The following ERBB4 variants were observed in gnomAD, a reference collection of about 807,000 sequenced individuals.
ERBB4 encodes erb-b2 receptor tyrosine kinase 4, also known as receptor tyrosine-protein kinase erbB-4.
Under a neutral mutation model 158.0 loss-of-function variants are expected in ERBB4, and 42 were observed. The ratio of observed to expected loss-of-function variants is 0.27; its 90% CI spans 0.21 to 0.34. The LOEUF (loss-of-function observed/expected upper bound fraction) is 0.34, where lower values mean the gene tolerates loss of function less well. ERBB4 is among the 10% of genes least tolerant of loss of function. ERBB4 has a pLI of 1.00. For synonymous variants in ERBB4, 583 were observed against 558.7 expected (o/e 1.04, Z -0.61); for missense variants, 1,333 against 1,624.1 (o/e 0.82, Z 3.08).
At chr2:211,772,848 TATATATATATATATATATATACAC>T in intron 4 of ERBB4, among the ~76,000 whole-genome samples, 4 of 64,312 alleles carry the variant, frequency 6.2e-5, no homozygotes, top group South Asian at 6.2e-4. Flanking sequence ...CATATATATA[TATATATATATATATATATATACAC>T]ATATATATAT....
chr2:212,518,975 G>A (rs529668436), intron 1 of ERBB4, among the ~76,000 whole-genome samples: 1 of 152,004 alleles, frequency 6.6e-6, no homozygotes, highest in South Asian at 2.1e-4. Context: ...AAGGACAGCT[G>A]TTATATCATC....
In ERBB4 at chr2:211,634,806, G is replaced by T. The variant is rs141215152; in HGVS notation, c.1947-4212C>A. Among the ~76,000 whole-genome samples the T allele has an allele frequency of 6.4e-3, 971 of 152,196 alleles. 9 individuals carry two copies. Among genetic ancestry groups the T allele is most frequent in the Non-Finnish European group, 8.5e-3 (576 of 67,988 alleles). On this transcript the variant is annotated intron_variant, in intron 16 of 27. Transcript: ENST00000342788. ...GATTCTCCTGCCTCAGCTTCTGGAG[G>T]AGCTGGGATTACAGGTGACTGCCAC...
chr2:211,913,128 T>C (rs979567972), intron 3 of ERBB4, among the ~76,000 whole-genome samples: 1 of 152,218 alleles, frequency 6.6e-6, no homozygotes, highest in Non-Finnish European at 1.5e-5. Flanking sequence ...ACCTTTCTCC[T>C]GTTAATCAAT....
intron 20 of ERBB4, among the ~76,000 whole-genome samples, chr2:211,490,017 C>A (rs1574595018): frequency 1.3e-5 from 2 of 151,964 alleles, no homozygotes; most frequent in South Asian, 4.1e-4. Flanking sequence ...TGTGTGGAGG[C>A]TTTAAGAGGT....
intron 5 of ERBB4, among the ~76,000 whole-genome samples, chr2:211,747,974 T>C (rs2075023177): frequency 6.6e-6 from 1 of 151,964 alleles, no homozygotes; most frequent in Admixed American, 6.6e-5. Context: ...TCCTATATAC[T>C]TTAAATCATC....
chr2:211,703,969 ATCT>A, intron 11 of ERBB4, 132 bp downstream of exon 11: 1 of 721,934 alleles, frequency 1.4e-6, no homozygotes, highest in Non-Finnish European at 2.6e-6. Context: ...TATTGAGCTT[ATCT>A]TTGGAAATAA....
At chr2:211,961,365 C>T (rs2081175672) in intron 2 of ERBB4, among the ~76,000 whole-genome samples, 1 of 152,116 alleles carries the variant, frequency 6.6e-6, no homozygotes, top group Admixed American at 6.6e-5. Flanking sequence ...GTTTCATAAG[C>T]TCAGAGTTCT....
chr2:211,703,464 C>T (rs2106042071), intron 11 of ERBB4, among the ~76,000 whole-genome samples: 1 of 152,198 alleles, frequency 6.6e-6, no homozygotes, highest in African/African-American at 2.4e-5. Context: ...ATATTTTGAA[C>T]TTAAATAGAC....
chr2:212,238,603 A>G lies in ERBB4; in HGVS notation c.83-113700T>C, dbSNP rs185466203. ...AAAATGAAGAGCTTGATTGAAAACT[A>G]TATATTATATTAAAACTAAATAAAT... On this transcript the variant is annotated intron_variant, in intron 1 of 27. Transcript: ENST00000342788. Among the ~76,000 whole-genome samples, 12 of 152,306 alleles carry G rather than the reference A, an allele frequency of 7.9e-5. No individual in the cohort carries two copies. In the East Asian group the frequency reaches 2.3e-3, roughly 29 times the overall value.
At chr2:212,354,657 T>G (rs1034437615) in intron 1 of ERBB4, among the ~76,000 whole-genome samples, 1 of 152,096 alleles carries the variant, frequency 6.6e-6, no homozygotes. Flanking sequence ...GAGAGTGAGG[T>G]GAGCTATTGT....
chr2:211,630,650 A>G (rs2125873740), intron 16 of ERBB4, 56 bp from the exon 17 acceptor site: 1 of 1,491,408 alleles, frequency 6.7e-7, no homozygotes, highest in Non-Finnish European at 9.2e-7. Flanking sequence ...GAGAAGACAG[A>G]GGAAGAGAAA....
intron 1 of ERBB4, among the ~76,000 whole-genome samples, chr2:212,189,202 A>G (rs2082118350): frequency 6.6e-6 from 1 of 152,098 alleles, no homozygotes; most frequent in Admixed American, 6.6e-5. Flanking sequence ...GCATTCAAAA[A>G]GTTTTGAATT....
At chr2:211,580,637 T>C (rs1433694649) in intron 19 of ERBB4, among the ~76,000 whole-genome samples, 1 of 150,658 alleles carries the variant, frequency 6.6e-6, no homozygotes, top group African/African-American at 2.4e-5. Context: ...GATCCAGTAA[T>C]CCCACTACTG....
At chr2:211,791,603 TG>T (rs1221412370) in intron 3 of ERBB4, among the ~76,000 whole-genome samples, 1 of 151,802 alleles carries the variant, frequency 6.6e-6, no homozygotes, top group African/African-American at 2.4e-5. Context: ...CAGAGTAAAT[TG>T]AGAGAGACAC....
chr2:212,436,800 G>A (rs185520088), intron 1 of ERBB4, among the ~76,000 whole-genome samples: 2 of 152,118 alleles, frequency 1.3e-5, no homozygotes, highest in East Asian at 3.9e-4. Flanking sequence ...TCAAACCAAA[G>A]AGACTTTTGC....
intron 1 of ERBB4, among the ~76,000 whole-genome samples, chr2:212,399,543 TAC>T (rs1353349957): frequency 1.1e-3 from 19 of 17,986 alleles, no homozygotes; most frequent in South Asian, 0.01. Flanking sequence ...ATTTTATATA[TAC>T]ATATATATAT....
intron 16 of ERBB4, among the ~76,000 whole-genome samples, chr2:211,641,994 T>C (rs536351205): frequency 8.3e-4 from 127 of 152,202 alleles, no homozygotes; most frequent in Middle Eastern, 3.4e-3. Context: ...ATAATTATTA[T>C]AAAGTGAATG....
intron 20 of ERBB4, among the ~76,000 whole-genome samples, chr2:211,535,315 C>T (rs954243665): frequency 2.6e-5 from 4 of 151,960 alleles, no homozygotes; most frequent in Non-Finnish European, 5.9e-5. Context: ...GGACTCCTAC[C>T]TGTCTCTTAT....
In ERBB4 at chr2:211,531,581, G is replaced by A. The variant is rs372565112; in HGVS notation, c.2487+30322C>T. Among the ~76,000 whole-genome samples, 85 of 152,222 alleles carry A rather than the reference G, an allele frequency of 5.6e-4. No homozygotes were observed. In the South Asian group the frequency reaches 0.016, roughly 29 times the overall value. ...AGGTGCTCAACATCATTGATCAACA[G>A]AGAAATGCAAATTAAAACTACAAGG... On this transcript the variant is annotated intron_variant, in intron 20 of 27. Transcript: ENST00000342788.
Sources: gnomAD v4.1 joint callset for allele counts (sites outside exome capture counted in the v4.1 genomes callset) on GRCh38, gnomAD v4.1.1 for gene constraint, MANE v1.5 for transcripts, NCBI Gene and HGNC (gene_info 2026-07-23, HGNC 2026-07-21) for gene names.